UBE2H: variants seen among roughly 807,000 people sequenced by gnomAD.
UBE2H encodes ubiquitin conjugating enzyme E2 H.
UBE2H carries 3 observed loss-of-function variants against 29.0 expected under a neutral mutation model. The observed-to-expected ratio is 0.10, with a 90% CI of 0.05 to 0.27. The LOEUF (loss-of-function observed/expected upper bound fraction) is 0.27. Ranked by LOEUF, UBE2H falls within the 10% of genes least tolerant of loss-of-function variation. The pLI, the probability that UBE2H is intolerant of heterozygous loss-of-function variation, is 1.00. For synonymous variants in UBE2H, 69 were observed against 82.9 expected, an observed-to-expected ratio of 0.83 and a Z score of 0.91; for missense variants, 68 against 228.2, an observed-to-expected ratio of 0.30 and a Z score of 4.52.
intron 1 of UBE2H, among the ~76,000 whole-genome samples, chr7:129,915,033 A>C (rs1807016553): frequency 6.6e-6 from 1 of 152,176 alleles, no homozygotes; most frequent in African/African-American, 2.4e-5. Flanking sequence ...GAGGCTTTTC[A>C]TTAGTGTAAG....
chr7:129,889,809 C>T (rs988842460), intron 1 of UBE2H, among the ~76,000 whole-genome samples: 3 of 152,090 alleles, frequency 2.0e-5, no homozygotes, highest in African/African-American at 7.2e-5. Context: ...CATAACAAAA[C>T]CCAGTCTCCA....
chr7:129,889,371 G>A (rs970375737), intron 1 of UBE2H, among the ~76,000 whole-genome samples: 7 of 152,194 alleles, frequency 4.6e-5, no homozygotes, highest in Non-Finnish European at 7.3e-5. Flanking sequence ...AACAGACCTG[G>A]CAGAGCCAGT....
chr7:129,929,961 G>C (rs931815643), intron 1 of UBE2H, among the ~76,000 whole-genome samples: 1 of 152,094 alleles, frequency 6.6e-6, no homozygotes, highest in Non-Finnish European at 1.5e-5. Flanking sequence ...AGCGAGCCAA[G>C]ATCGCACTGC....
At chr7:129,944,095 G>A (rs535412861) in intron 1 of UBE2H, among the ~76,000 whole-genome samples, 1 of 152,226 alleles carries the variant, frequency 6.6e-6, no homozygotes, top group East Asian at 1.9e-4. Flanking sequence ...TGTGGCTCAT[G>A]CCTGTAATCC....
chr7:129,941,204 G>A (rs1051900465), intron 1 of UBE2H, among the ~76,000 whole-genome samples: 3 of 151,770 alleles, frequency 2.0e-5, no homozygotes, highest in Admixed American at 6.6e-5. Flanking sequence ...AGCAACGCCC[G>A]GCTAATTTTT....
chr7:129,928,280 C>CA (rs1000095198), intron 1 of UBE2H, among the ~76,000 whole-genome samples: 3 of 151,012 alleles, frequency 2.0e-5, no homozygotes, highest in Non-Finnish European at 4.4e-5. Flanking sequence ...GTCTCTGTCT[C>CA]AAAAAAACAA....
intron 5 of UBE2H, among the ~76,000 whole-genome samples, chr7:129,846,931 C>T (rs75724771): frequency 0.062 from 9,507 of 152,216 alleles, 368 homozygotes; most frequent in Non-Finnish European, 0.092. Context: ...TCCTGCACAG[C>T]GGCTCAAATT....
chr7:129,871,141 TAA>T (rs1247820635), intron 3 of UBE2H, among the ~76,000 whole-genome samples: 6 of 152,216 alleles, frequency 3.9e-5, no homozygotes, highest in African/African-American at 1.4e-4. Flanking sequence ...CATAAAGTAT[TAA>T]GAGAGCAATT....
intron 1 of UBE2H, among the ~76,000 whole-genome samples, chr7:129,935,822 G>GT (rs913152346): frequency 2.0e-5 from 3 of 152,132 alleles, no homozygotes; most frequent in South Asian, 4.2e-4. Flanking sequence ...ACTTTCATCT[G>GT]TTTTTTTCTA....
At chr7:129,860,176 A>G (rs1393432000) in intron 3 of UBE2H, among the ~76,000 whole-genome samples, 1 of 152,168 alleles carries the variant, frequency 6.6e-6, no homozygotes, top group Non-Finnish European at 1.5e-5. Context: ...CCTGAAGTAG[A>G]AAACAGGGGA....
intron 1 of UBE2H, among the ~76,000 whole-genome samples, chr7:129,914,501 A>G (rs1206215906): frequency 6.6e-6 from 1 of 152,132 alleles, no homozygotes; most frequent in African/African-American, 2.4e-5. Flanking sequence ...CCCTCCAGAA[A>G]CAGAGGGAAG....
chr7:129,878,858 C>CAAAA (rs11405982), intron 3 of UBE2H, among the ~76,000 whole-genome samples: 30 of 144,726 alleles, frequency 2.1e-4, no homozygotes, highest in Non-Finnish European at 2.4e-4. Flanking sequence ...TAAAGTGAAG[C>CAAAA]AAAAAAAAAA....
intron 1 of UBE2H, among the ~76,000 whole-genome samples, chr7:129,882,160 A>C (rs978555950): frequency 1.3e-5 from 2 of 152,174 alleles, no homozygotes; most frequent in African/African-American, 4.8e-5. Flanking sequence ...TAGAAACCAA[A>C]TTAATTCATA....
chr7:129,864,145 A>G (rs1805852734), intron 3 of UBE2H, among the ~76,000 whole-genome samples: 1 of 152,204 alleles, frequency 6.6e-6, no homozygotes, highest in Non-Finnish European at 1.5e-5. Context: ...GGAAAAAAGC[A>G]TATCTCCTTG....
intron 1 of UBE2H, among the ~76,000 whole-genome samples, chr7:129,932,026 G>C (rs566875507): frequency 1.3e-5 from 2 of 151,548 alleles, no homozygotes; most frequent in Admixed American, 6.6e-5. Context: ...GTTTCACTGT[G>C]TTGGCCAAGC....
At chr7:129,851,546 T>C (rs767020621) in intron 5 of UBE2H, among the ~76,000 whole-genome samples, 5 of 152,254 alleles carry the variant, frequency 3.3e-5, no homozygotes, top group Non-Finnish European at 7.3e-5. Context: ...TATAACTCAG[T>C]AATCGTAAGT....
At chr7:129,906,699 A>G (rs1806825102) in intron 1 of UBE2H, among the ~76,000 whole-genome samples, 1 of 152,234 alleles carries the variant, frequency 6.6e-6, no homozygotes, top group Admixed American at 6.5e-5. Context: ...ACTGAAAAAG[A>G]AAAAGTTCTT....
At chr7:129,854,942 C>T (rs2727462) in intron 5 of UBE2H, among the ~76,000 whole-genome samples, 68,532 of 151,672 alleles carry the variant, frequency 0.45, 17,351 homozygotes, top group East Asian at 0.63. Context: ...TCACAAAAGA[C>T]CACATATTAT....
intron 5 of UBE2H, among the ~76,000 whole-genome samples, chr7:129,841,682 T>G (rs1418105606): frequency 6.6e-6 from 1 of 152,212 alleles, no homozygotes. Flanking sequence ...AGAGCAGCTC[T>G]GCCTTACAAC....
Sources: gnomAD v4.1 joint callset for allele counts (sites outside exome capture counted in the v4.1 genomes callset) on GRCh38, gnomAD v4.1.1 for gene constraint, MANE v1.5 for transcripts, NCBI Gene and HGNC (gene_info 2026-07-23, HGNC 2026-07-21) for gene names.